Variants in HGF observed in about 807,000 individuals in gnomAD.
HGF encodes fibroblast-derived tumor cytotoxic factor.
A neutral mutation model predicts 111.6 loss-of-function variants in HGF; 39 were observed. The ratio of observed to expected loss-of-function variants is 0.35; its 90% confidence interval spans 0.27 to 0.46. HGF has a LOEUF of 0.46. Ranked by LOEUF, HGF falls within the 20% of genes least tolerant of loss-of-function variation. The probability of loss-of-function intolerance (pLI) is 1.00; values close to 1 mark genes in which losing one functional copy is unlikely to be tolerated. For synonymous variants in HGF, 285 were observed against 294.8 expected (o/e 0.97, Z 0.34); for missense variants, 735 against 910.5 (o/e 0.81, Z 2.48).
At chr7:81,719,903 G>A (rs1318554265) in intron 10 of HGF, among the ~76,000 whole-genome samples, 3 of 152,072 alleles carry the variant, frequency 2.0e-5, no homozygotes, top group Non-Finnish European at 4.4e-5. Flanking sequence ...TTTCCTATAG[G>A]ATTATGATGG....
chr7:81,712,717 G>C (rs1249225616), intron 11 of HGF, among the ~76,000 whole-genome samples: 1 of 152,162 alleles, frequency 6.6e-6, no homozygotes, highest in Non-Finnish European at 1.5e-5. Context: ...GACCCAGATG[G>C]TTGTCAATCC....
chr7:81,705,930 G>A (rs190427488), intron 15 of HGF, among the ~76,000 whole-genome samples, 177 bp from the exon 16 acceptor site: 4 of 149,556 alleles, frequency 2.7e-5, no homozygotes, highest in African/African-American at 7.4e-5. Context: ...GGAATAGGTA[G>A]TAAAGAAATG....
intron 5 of HGF, among the ~76,000 whole-genome samples, chr7:81,748,708 C>T (rs770224502): frequency 6.7e-6 from 1 of 148,730 alleles, no homozygotes; most frequent in Non-Finnish European, 1.5e-5. Context: ...TAACTACTGC[C>T]CTAGATAGAT....
chr7:81,730,939 G>A (rs113642320), intron 7 of HGF, among the ~76,000 whole-genome samples: 58 of 152,286 alleles, frequency 3.8e-4, no homozygotes, highest in African/African-American at 1.3e-3. Flanking sequence ...ACCACTGTAC[G>A]AAGGACAGGC....
chr7:81,722,735 AC>A (rs1178489149), intron 9 of HGF, among the ~76,000 whole-genome samples: 1 of 139,228 alleles, frequency 7.2e-6, no homozygotes, highest in Admixed American at 7.8e-5. Context: ...AATTGCTTGA[AC>A]CCCAGAGGCA....
chr7:81,758,976 C>T (rs956504251), intron 2 of HGF, among the ~76,000 whole-genome samples, 172 bp from the exon 3 acceptor site: 2 of 151,886 alleles, frequency 1.3e-5, no homozygotes, highest in Admixed American at 1.3e-4. Flanking sequence ...TTTTGATAGC[C>T]AAACAAGAAA....
rs933732356 is a variant in HGF at position 81,702,761 on chromosome 7, G to C, written c.2011-4C>G. The C allele has an allele frequency of 8.7e-6, 14 of 1,608,814 alleles. No homozygotes were observed. Among genetic ancestry groups the C allele is most frequent in the Admixed American group, 8.4e-5 (5 of 59,626 alleles). On this transcript the variant is annotated splice_polypyrimidine_tract_variant and splice_region_variant and intron_variant, in intron 17 of 17. Coordinates refer to ENST00000222390, the MANE Select transcript of HGF (RefSeq NM_000601.6). ...CAAGTGGGCCACCATAATCCCCCTA[G>C]GAGTAAGACATACAAAAACAAAGTA...
chr7:81,751,696 C>T (rs1583990838), intron 5 of HGF: 2 of 1,030,230 alleles, frequency 1.9e-6, no homozygotes, highest in Non-Finnish European at 2.3e-6. Context: ...CCTTGTCACA[C>T]CACTTCATGA....
At chr7:81,747,134 C>CGA (rs1788292245) in intron 5 of HGF, among the ~76,000 whole-genome samples, 1 of 152,018 alleles carries the variant, frequency 6.6e-6, no homozygotes, top group South Asian at 2.1e-4. Context: ...GTCAGGAGAT[C>CGA]GAGACCATCC....
rs5745686 is a variant in HGF, at chr7:81,729,800, CA to C, written c.866-22del. 1,246,730 of 1,596,630 alleles carry C rather than the reference CA, an allele frequency of 0.78. 488,702 individuals carry two copies. The highest frequency in any genetic ancestry group is 0.93 in the African/African-American group (68,822 of 74,380). ...GTCAGCTATTGGCAAAAAACAACAA[CA>C]AAAAAAAACTTATATAAAATCTTTG... On this transcript the variant is annotated intron_variant, in intron 7 of 17. Coordinates refer to ENST00000222390, the MANE Select transcript of HGF (RefSeq NM_000601.6).
At chr7:81,748,362 C>T (rs535614716) in intron 5 of HGF, among the ~76,000 whole-genome samples, 3 of 152,258 alleles carry the variant, frequency 2.0e-5, no homozygotes, top group African/African-American at 7.2e-5. Flanking sequence ...AGATTGGACA[C>T]CTTATCCAAA....
At chr7:81,720,666 A>C (rs1789829220) in intron 10 of HGF, 79 bp downstream of exon 10, 3 of 815,562 alleles carry the variant, frequency 3.7e-6, no homozygotes, top group South Asian at 1.4e-5. Context: ...AATAGAAAGA[A>C]ATAGCAATGT....
rs1788907499 is a variant in HGF at position 81,758,702 on chromosome 7, A to G, written c.357T>C (p.Tyr119=). Residue 119 remains tyrosine (Y), a synonymous_variant, in exon 3 of 18, where the codon TAT becomes TAC. Coordinates refer to ENST00000222390, the MANE Select transcript of HGF (RefSeq NM_000601.6). Reference sequence around the variant, plus strand: ...GGAGAAGTCAGTTACCTTTGTTTTCATAGAGGTCAAATTCATGGCCAAATT... The same window carrying G: ...GGAGAAGTCAGTTACCTTTGTTTTCGTAGAGGTCAAATTCATGGCCAAATT... ...KKEFGHEFDL[Y]ENKDYIRNCI... is the part of the protein sequence containing the mutation. The G allele has an allele frequency of 6.3e-7, 1 of 1,591,354 alleles. No homozygotes were observed. The highest frequency in any genetic ancestry group is 8.6e-7 in the Non-Finnish European group (1 of 1,159,818).
intron 5 of HGF, among the ~76,000 whole-genome samples, chr7:81,745,360 G>T (rs529392273): frequency 6.6e-6 from 1 of 152,154 alleles, no homozygotes; most frequent in African/African-American, 2.4e-5. Context: ...TTACTATAGG[G>T]CCACGACGCT....
At position 81,752,242 on chromosome 7, in the gene HGF, C is replaced by A. The variant is rs773949476; in HGVS notation, c.503G>T (p.Arg168Leu). 2 of 1,613,208 alleles carry A rather than the reference C, an allele frequency of 1.2e-6. No homozygotes were observed. The highest frequency in any genetic ancestry group is 2.7e-5 in the African/African-American group (2 of 74,862). ...GTAGTTTTCCTGTAGGTCTTTACCC[C>A]GATAGCTCGAAGGCAAAAAGCTAGT... ...HEHSFLPSSY[R>L]GKDLQENYCR... Residue 168 changes from arginine to leucine, a missense_variant, in exon 5 of 18, where the codon CGG becomes CTG. Arg to Leu is a moderately radical substitution (Grantham distance 102). This residue lies in a region of HGF where 553 missense variants were observed against 685.6 expected (regional missense o/e 0.81). Transcript: ENST00000222390.
In HGF at chr7:81,717,371, G is replaced by A; in HGVS notation, c.1272-6C>T. ...CTGGTTCCCAGAAGATATGACTGTG[G>A]AAACAACAGGCCTTGCACATCACAA... is the stretch of plus-strand genomic sequence containing the variant. On this transcript the variant is annotated splice_region_variant and splice_polypyrimidine_tract_variant and intron_variant, in intron 10 of 17. Coordinates refer to ENST00000222390, the MANE Select transcript of HGF (RefSeq NM_000601.6). The A allele has an allele frequency of 6.2e-7, 1 of 1,612,472 alleles. No homozygotes were observed. Among genetic ancestry groups the A allele is most frequent in the Non-Finnish European group, 8.5e-7 (1 of 1,178,720 alleles).
intron 4 of HGF, among the ~76,000 whole-genome samples, chr7:81,752,920 A>C (rs1381526526): frequency 6.6e-6 from 1 of 152,186 alleles, no homozygotes; most frequent in South Asian, 2.1e-4. Flanking sequence ...TATTTTGAGA[A>C]GCTCCAAGGG....
At chr7:81,736,122 G>C (rs1035219680) in intron 7 of HGF, among the ~76,000 whole-genome samples, 1 of 152,080 alleles carries the variant, frequency 6.6e-6, no homozygotes, top group Non-Finnish European at 1.5e-5. Context: ...CACTTCTAAA[G>C]TGTTTCTGGG....
At chr7:81,760,349 C>G (rs979396413) in intron 2 of HGF, among the ~76,000 whole-genome samples, 1 of 152,118 alleles carries the variant, frequency 6.6e-6, no homozygotes, top group Non-Finnish European at 1.5e-5. Context: ...ATCAGGCATT[C>G]TTGGTCATCT....
Sources: allele counts gnomAD v4.1 joint callset (sites outside exome capture counted in the v4.1 genomes callset), GRCh38; gene constraint gnomAD v4.1.1; regional missense constraint gnomAD v4.1.1; transcripts MANE v1.5; gene names NCBI Gene and HGNC (gene_info 2026-07-23, HGNC 2026-07-21).